HIVEP3: variants seen among roughly 807,000 people sequenced by gnomAD.
The protein encoded by HIVEP3 is HIVEP zinc finger 3.
In HIVEP3, 49 loss-of-function variants were observed where a neutral mutation model predicts 152.8. The ratio of observed to expected loss-of-function variants is 0.32; its 90% CI spans 0.26 to 0.41. HIVEP3 has a LOEUF of 0.41. Ranked by LOEUF, HIVEP3 falls within the 10% of genes least tolerant of loss-of-function variation. The pLI is 1.00. For missense variants in HIVEP3, 2,790 were observed against 3,103.3 expected (o/e 0.90, Z 2.40); for synonymous variants, 1,269 against 1,289.0 (o/e 0.98, Z 0.33).
chr1:41,995,401 A>T (rs568454761), intron 1 of HIVEP3, among the ~76,000 whole-genome samples: 5 of 152,334 alleles, frequency 3.3e-5, no homozygotes, highest in African/African-American at 9.6e-5. Flanking sequence ...CTAGAATTGT[A>T]TTATCAGTGA....
At chr1:41,942,446 C>T (rs1011024048) in intron 1 of HIVEP3, among the ~76,000 whole-genome samples, 2 of 152,198 alleles carry the variant, frequency 1.3e-5, no homozygotes, top group Non-Finnish European at 2.9e-5. Context: ...ATGCAAGAAT[C>T]CAAAAGTTTG....
At chr1:41,822,298 T>G (rs1159913368) in intron 1 of HIVEP3, among the ~76,000 whole-genome samples, 4 of 152,156 alleles carry the variant, frequency 2.6e-5, no homozygotes, top group African/African-American at 9.7e-5. Flanking sequence ...AGCCACGAGG[T>G]CTCAAAAGGT....
intron 1 of HIVEP3, among the ~76,000 whole-genome samples, chr1:41,963,303 G>A (rs1023813983): frequency 6.6e-6 from 1 of 152,134 alleles, no homozygotes; most frequent in African/African-American, 2.4e-5. Context: ...GAGCCACCGC[G>A]CCCGGCCAAA....
intron 1 of HIVEP3, among the ~76,000 whole-genome samples, chr1:41,868,829 A>G (rs1040675194): frequency 4.6e-5 from 7 of 152,214 alleles, no homozygotes; most frequent in Admixed American, 2.6e-4. Context: ...TGGGGATACT[A>G]ACACTTATTT....
intron 1 of HIVEP3, among the ~76,000 whole-genome samples, chr1:41,757,214 C>G (rs35692034): frequency 6.6e-6 from 1 of 151,118 alleles, no homozygotes; most frequent in South Asian, 2.1e-4. Context: ...CTCCCAGGTT[C>G]ACGCCATTCT....
intron 2 of HIVEP3, among the ~76,000 whole-genome samples, chr1:41,697,147 C>A (rs1408508630): frequency 6.6e-6 from 1 of 152,126 alleles, no homozygotes; most frequent in African/African-American, 2.4e-5. Context: ...CCAAGCCTTG[C>A]CCCACTTAAT....
At chr1:41,722,714 G>T (rs572940619) in intron 1 of HIVEP3, among the ~76,000 whole-genome samples, 1 of 152,088 alleles carries the variant, frequency 6.6e-6, no homozygotes, top group Non-Finnish European at 1.5e-5. Flanking sequence ...ACAATTGTTG[G>T]TGAAATGCAT....
chr1:41,659,706 C>T (rs950497179), intron 2 of HIVEP3, among the ~76,000 whole-genome samples: 10 of 152,218 alleles, frequency 6.6e-5, no homozygotes, highest in African/African-American at 2.4e-4. Context: ...GTGGCTGTCC[C>T]ATCACATGCA....
Position 41,510,845 on chromosome 1 carries a change from T to C in HIVEP3, c.6827A>G (p.Lys2276Arg), listed in dbSNP as rs1205242614. 9 of 1,613,204 alleles carry C rather than the reference T, an allele frequency of 5.6e-6. No homozygotes were observed. Among genetic ancestry groups the C allele is most frequent in the Non-Finnish European group, 7.6e-6 (9 of 1,179,840 alleles). Residue 2276 changes from lysine (K) to arginine (R), a missense_variant, in exon 9 of 9, where the codon AAG becomes AGG. Physicochemically the swap from Lys to Arg is conservative, Grantham distance 26 (BLOSUM62 2). This residue lies in a region of HIVEP3 where 816 missense variants were observed against 806.5 expected (regional missense o/e 1.01). Coordinates refer to ENST00000372583, the MANE Select transcript of HIVEP3 (RefSeq NM_024503.5). ...GCCTCCGCCGGTCCTCTCCCTCTCC[T>C]TGGGGTAGTCCCCGCCCTCCAGCTC... is the stretch of plus-strand genomic sequence containing the variant. ...SSELEGGDYP[K>R]ERERTGGGPG...
At chr1:41,733,696 A>G (rs944096057) in intron 1 of HIVEP3, among the ~76,000 whole-genome samples, 2 of 152,228 alleles carry the variant, frequency 1.3e-5, no homozygotes, top group Non-Finnish European at 2.9e-5. Context: ...TCTGCAAAAG[A>G]AAGTGCCAGG....
chr1:41,683,665 G>A (rs566833016), intron 2 of HIVEP3, among the ~76,000 whole-genome samples: 14 of 152,226 alleles, frequency 9.2e-5, no homozygotes, highest in Non-Finnish European at 1.9e-4. Flanking sequence ...GTGTTTTCCC[G>A]TGAGATTTTA....
At chr1:41,563,368 TAAA>T (rs36117218) in intron 5 of HIVEP3, among the ~76,000 whole-genome samples, 2,030 of 147,224 alleles carry the variant, frequency 0.014, 62 homozygotes, top group African/African-American at 0.047. Context: ...AGATAAAAAT[TAAA>T]AAAAAAAATA....
intron 1 of HIVEP3, among the ~76,000 whole-genome samples, chr1:41,792,585 C>T (rs1649764111): frequency 6.6e-6 from 1 of 152,196 alleles, no homozygotes; most frequent in Non-Finnish European, 1.5e-5. Context: ...ACCTGCCCTC[C>T]CCACAGCCAC....
chr1:41,661,229 C>T (rs1256550283), intron 2 of HIVEP3, among the ~76,000 whole-genome samples: 1 of 152,178 alleles, frequency 6.6e-6, no homozygotes, highest in East Asian at 1.9e-4. Context: ...TATCAGTTTC[C>T]CCTATGTCCT....
chr1:41,626,930 T>A (rs979615750), intron 3 of HIVEP3, among the ~76,000 whole-genome samples: 3 of 152,190 alleles, frequency 2.0e-5, no homozygotes, highest in African/African-American at 7.2e-5. Context: ...TGTGTAGCTG[T>A]CTTTAAACTA....
At chr1:41,614,869 T>C (rs751470544) in intron 3 of HIVEP3, among the ~76,000 whole-genome samples, 2 of 152,210 alleles carry the variant, frequency 1.3e-5, no homozygotes, top group African/African-American at 2.4e-5. Context: ...AAGCTCTTCT[T>C]GGCACTAAGA....
chr1:41,750,218 T>C (rs1570456225), intron 1 of HIVEP3, among the ~76,000 whole-genome samples: 1 of 152,222 alleles, frequency 6.6e-6, no homozygotes, highest in East Asian at 1.9e-4. Context: ...TTAAACAAAT[T>C]AATAAACCTA....
At chr1:41,797,846 G>C (rs932683426) in intron 1 of HIVEP3, among the ~76,000 whole-genome samples, 9 of 152,158 alleles carry the variant, frequency 5.9e-5, no homozygotes, top group Middle Eastern at 3.4e-3. Context: ...AATTAGCCAG[G>C]CATGGTGCCT....
At chr1:41,688,266 C>T (rs746738934) in intron 2 of HIVEP3, among the ~76,000 whole-genome samples, 40 of 152,220 alleles carry the variant, frequency 2.6e-4, no homozygotes, top group Admixed American at 5.9e-4. Context: ...GGGTGACTAT[C>T]GTCCTAAAAG....
Sources: allele counts gnomAD v4.1 joint callset (sites outside exome capture counted in the v4.1 genomes callset), GRCh38; gene constraint gnomAD v4.1.1; regional missense constraint gnomAD v4.1.1; transcripts MANE v1.5; gene names NCBI Gene and HGNC (gene_info 2026-07-23, HGNC 2026-07-21).